The following ATP1A3 variants were observed in gnomAD, a reference collection of about 807,000 sequenced individuals.
ATP1A3 encodes the protein ATPase Na+/K+ transporting subunit alpha 3, also known as sodium/potassium-transporting ATPase subunit alpha-3.
Under a neutral mutation model 108.8 loss-of-function variants are expected in ATP1A3, and 12 were observed. That is an observed-to-expected ratio of 0.11 (90% CI 0.07 to 0.18). The LOEUF is 0.18. ATP1A3 is among the 10% of genes least tolerant of loss of function. The pLI, the probability that ATP1A3 is intolerant of heterozygous loss-of-function variation, is 1.00. For synonymous variants in ATP1A3, 539 were observed against 564.5 expected (o/e 0.95, Z 0.64); for missense variants, 498 against 1,387.7 (o/e 0.36, Z 10.19).
At chr19:41,992,273 G>A (rs2075347763) in intron 1 of ATP1A3, among the ~76,000 whole-genome samples, 1 of 152,174 alleles carries the variant, frequency 6.6e-6, no homozygotes, top group South Asian at 2.1e-4. Flanking sequence ...CCCTTGGGGA[G>A]CAGGCTCCCA....
chr19:41,988,434 G>C lies in ATP1A3; in HGVS notation c.93+42C>G. The C allele has an allele frequency of 6.2e-7, 1 of 1,614,194 alleles. No homozygotes were observed. The highest frequency in any genetic ancestry group is 8.5e-7 in the Non-Finnish European group (1 of 1,180,034). On this transcript the variant is annotated intron_variant, in intron 2 of 22. Coordinates refer to ENST00000648268, the MANE Select transcript of ATP1A3 (RefSeq NM_152296.5). This position sits in a 1 kb window ranked among gnomAD's most constrained non-coding sequence, Gnocchi z 5.3. ...GTGCCTAGGCCAGCCAAGAACTGGCGAGGTTCTCTGGGAGGGTGTGCGGGC... is the reference window on the plus strand; with the variant it reads ...GTGCCTAGGCCAGCCAAGAACTGGCCAGGTTCTCTGGGAGGGTGTGCGGGC...
At chr19:41,993,518 C>T (rs2075359872) in intron 1 of ATP1A3, 1 of 1,191,278 alleles carries the variant, frequency 8.4e-7, no homozygotes, top group Admixed American at 2.3e-5. Flanking sequence ...CACACACACA[C>T]ACACACACAC....
In ATP1A3 at chr19:41,966,867, G is replaced by T. The variant is rs1465382786; in HGVS notation, c.*70C>A. On this transcript the variant is annotated 3_prime_UTR_variant, in exon 23 of 23. Transcript: ENST00000648268. ...GCTCCTCCCCCCAGAATACAAAATT[G>T]GGGGGACTGACAGGGGCGGTCCTGG... is the stretch of plus-strand genomic sequence containing the variant. 3.9e-6 allele frequency: 6 copies of T among 1,549,252 alleles called. No homozygotes were observed. The highest frequency in any genetic ancestry group is 4.9e-5 in the East Asian group (2 of 40,914).
rs782312004 is a variant in ATP1A3 at position 41,982,089 on chromosome 19, G to A, written c.1011C>T (p.Thr337=). The change falls in exon 9 of 23, where the codon ACC becomes ACT. Residue 337 remains threonine, a synonymous_variant. Coordinates refer to ENST00000648268, the MANE Select transcript of ATP1A3 (RefSeq NM_152296.5). ...LATVTVCLTL[T]AKRMARKNCL... Reference sequence around the variant, plus strand: ...AGTTCTTCCGGGCCATGCGCTTGGCGGTCAGCGTCAGACACACCTGGAGGA... The same window carrying A: ...AGTTCTTCCGGGCCATGCGCTTGGCAGTCAGCGTCAGACACACCTGGAGGA... 16 of 1,614,050 alleles carry A rather than the reference G, an allele frequency of 9.9e-6. No individual in the cohort carries two copies. Among genetic ancestry groups the A allele is most frequent in the East Asian group, 4.5e-5 (2 of 44,890 alleles).
rs1439357912 is a variant in ATP1A3, at chr19:41,968,379, C to T, written c.2819+406G>A. On this transcript the variant is annotated intron_variant, in intron 20 of 22. Transcript: ENST00000648268. The surrounding 1 kb of genome is among the most constrained non-coding windows in gnomAD (Gnocchi z 5.0). ...GAAAAATTAGCCGAGCCTGGTGGTGCGTACCTGTAATCCCAGCTACTTGGG... is the reference window on the plus strand; with the variant it reads ...GAAAAATTAGCCGAGCCTGGTGGTGTGTACCTGTAATCCCAGCTACTTGGG... 1.3e-5 allele frequency among the ~76,000 whole-genome samples: 2 copies of T among 152,152 alleles called. No homozygotes were observed. The highest frequency in any genetic ancestry group is 2.9e-5 in the Non-Finnish European group (2 of 68,010).
At chr19:41,993,194 C>T (rs1325574096) in intron 1 of ATP1A3, 4 of 477,552 alleles carry the variant, frequency 8.4e-6, no homozygotes, top group African/African-American at 4.0e-5. Flanking sequence ...CCTTCAGCCC[C>T]GCCCCAGACA....
chr19:41,967,021 C>A lies in ATP1A3; in HGVS notation c.3014-56G>T. 6.4e-7 allele frequency: 1 copy of A among 1,551,484 alleles called. No individual in the cohort carries two copies. The highest frequency in any genetic ancestry group is 8.7e-7 in the Non-Finnish European group (1 of 1,146,928). On this transcript the variant is annotated intron_variant, in intron 22 of 22. Transcript: ENST00000648268. This position sits in a 1 kb window ranked among gnomAD's most constrained non-coding sequence, Gnocchi z 4.2. ...AGAGTAAGAGATGGAGAGAGACAGG[C>A]AAGGCGAGCCGCCCAGCAGAGAGAG...
In ATP1A3 at chr19:41,966,790, G is replaced by T; in HGVS notation, c.*147C>A. ...AGAGAAGCCAGCCAGAGTGGGGGCG[G>T]CAGGAGATAGTGGAGGGGGTGGGGG... is the stretch of plus-strand genomic sequence containing the variant. On this transcript the variant is annotated 3_prime_UTR_variant, in exon 23 of 23. Coordinates refer to ENST00000648268, the MANE Select transcript of ATP1A3 (RefSeq NM_152296.5). The T allele has an allele frequency of 6.6e-7, 1 of 1,507,566 alleles. No homozygotes were observed. The highest frequency in any genetic ancestry group is 9.0e-7 in the Non-Finnish European group (1 of 1,114,454). 93.4% of individuals were successfully genotyped at this position (1,507,566 alleles called of 1,614,324 possible). A position where few individuals can be genotyped will look rare whatever the true frequency, so the allele number is the denominator to read the frequency against.
chr19:41,992,346 C>T (rs529220842), intron 1 of ATP1A3, among the ~76,000 whole-genome samples: 3 of 152,260 alleles, frequency 2.0e-5, no homozygotes, highest in East Asian at 1.9e-4. Context: ...GGGCGCGCTG[C>T]GGGGTGGGAG....
At chr19:41,970,623 GT>G in intron 16 of ATP1A3, 81 bp from the exon 17 acceptor site, 1 of 1,083,000 alleles carries the variant, frequency 9.2e-7, no homozygotes, top group Non-Finnish European at 1.3e-6. Context: ...CTCATCCAAC[GT>G]CCTTTTTTTT....
chr19:41,993,037 A>G (rs1472332465), intron 1 of ATP1A3: 1 of 43,412 alleles, frequency 2.3e-5, no homozygotes, highest in Non-Finnish European at 4.4e-5. Context: ...ACAGATCTGC[A>G]GCCCCATCCC....
chr19:41,986,544 CG>C (rs1261875788), intron 4 of ATP1A3: 1 of 336,136 alleles, frequency 3.0e-6, no homozygotes, highest in Non-Finnish European at 5.8e-6. Context: ...CTGGTTCAAG[CG>C]ATCCTCCTGC....
chr19:41,989,571 G>A (rs1161331460), intron 1 of ATP1A3, among the ~76,000 whole-genome samples: 3 of 150,382 alleles, frequency 2.0e-5, no homozygotes, highest in East Asian at 4.0e-4. Context: ...CGCCCGTCTC[G>A]GCCTCCCAAA....
intron 16 of ATP1A3, among the ~76,000 whole-genome samples, chr19:41,972,861 A>AAGGAAG (rs1555860230): frequency 2.0e-4 from 10 of 51,084 alleles, no homozygotes; most frequent in African/African-American, 2.6e-4. Context: ...AAGGAAGGAA[A>AAGGAAG]GAAGGAAGGA....
rs781881227 is a variant in ATP1A3 at position 41,968,934 on chromosome 19, G to C, written c.2689-19C>G. The C allele has an allele frequency of 2.4e-5, 38 of 1,613,374 alleles. No individual in the cohort carries two copies. In the East Asian group the frequency reaches 8.5e-4, roughly 36 times the overall value. On this transcript the variant is annotated intron_variant, in intron 19 of 22. Coordinates refer to ENST00000648268, the MANE Select transcript of ATP1A3 (RefSeq NM_152296.5). This position sits in a 1 kb window ranked among gnomAD's most constrained non-coding sequence, Gnocchi z 5.0. The stretch of plus-strand genomic sequence containing the variant: ...CGTATGTCTGCAGGAGCGGTGACCA[G>C]GGCACGGGACGTCAGTTAGTGGCAC...
chr19:41,993,548 C>T, intron 1 of ATP1A3: 1 of 831,754 alleles, frequency 1.2e-6, no homozygotes, highest in Non-Finnish European at 1.7e-6. Context: ...CACACACACA[C>T]ACTGCGGAGT....
chr19:41,969,036 G>A (rs1487390451), intron 19 of ATP1A3, 121 bp from the exon 20 acceptor site: 2 of 1,452,690 alleles, frequency 1.4e-6, no homozygotes, highest in Non-Finnish European at 1.9e-6. Flanking sequence ...CAGGGCCTCA[G>A]GTGTGTCTTC....
At chr19:41,974,660 C>A (rs1555860569) in intron 16 of ATP1A3, among the ~76,000 whole-genome samples, 1 of 152,150 alleles carries the variant, frequency 6.6e-6, no homozygotes, top group Non-Finnish European at 1.5e-5. Context: ...AGGCATGAAC[C>A]GTGATTATTT....
rs782498762 is a variant in ATP1A3, at chr19:41,967,173, G to A, written c.3013+76C>T. ...AGGTGGCAGAGCCATCCAGCAGGGC[G>A]AGGGGAGCCTGGGACCAGCTGCCTG... On this transcript the variant is annotated intron_variant, in intron 22 of 22. Coordinates refer to ENST00000648268, the MANE Select transcript of ATP1A3 (RefSeq NM_152296.5). This position sits in a 1 kb window ranked among gnomAD's most constrained non-coding sequence, Gnocchi z 4.2. 41 of 1,606,038 alleles carry A rather than the reference G, an allele frequency of 2.6e-5. 1 individual carries two copies. In the South Asian group the frequency reaches 4.0e-4, roughly 16 times the overall value.
Sources: gnomAD v4.1 joint callset for allele counts (sites outside exome capture counted in the v4.1 genomes callset) on GRCh38, gnomAD v4.1.1 for gene constraint, Gnocchi (gnomAD v3.1) non-coding constraint, MANE v1.5 for transcripts, NCBI Gene and HGNC (gene_info 2026-07-23, HGNC 2026-07-21) for gene names.